ZC4H2: variants seen among roughly 807,000 people sequenced by gnomAD.
ZC4H2 encodes the protein zinc finger C4H2 domain-containing protein.
For synonymous variants in ZC4H2, 84 were observed against 66.3 expected (o/e 1.27, Z -1.30); for missense variants, 137 against 173.9 (o/e 0.79, Z 1.19).
At chrX:64,931,285 C>A (rs1023821568) in intron 1 of ZC4H2, among the ~76,000 whole-genome samples, 14 of 111,927 alleles carry the variant, frequency 1.3e-4, no homozygotes, top group African/African-American at 4.5e-4. Flanking sequence ...TTTTGCTTAT[C>A]TTTTCAGAGA....
chrX:65,007,473 G>T (rs1033359206), intron 1 of ZC4H2, among the ~76,000 whole-genome samples: 2 of 112,436 alleles, frequency 1.8e-5, no homozygotes, highest in African/African-American at 6.5e-5. Flanking sequence ...CCCTGGGCAG[G>T]CACAGTCATT....
chrX:64,928,643 T>G (rs1026682819), intron 1 of ZC4H2, among the ~76,000 whole-genome samples: 3 of 91,623 alleles, frequency 3.3e-5, no homozygotes, highest in Non-Finnish European at 6.8e-5. Flanking sequence ...CTTCTTCTTC[T>G]TCTTCTTCTT....
intron 1 of ZC4H2, among the ~76,000 whole-genome samples, chrX:65,010,465 C>A (rs1932739970): frequency 9.0e-6 from 1 of 111,017 alleles, no homozygotes; most frequent in African/African-American, 3.3e-5. Flanking sequence ...ACTTTCAAAT[C>A]TTTTTTTTTC....
At chrX:64,928,154 T>C (rs1929514894) in intron 1 of ZC4H2, among the ~76,000 whole-genome samples, 1 of 112,210 alleles carries the variant, frequency 8.9e-6, no homozygotes, top group Non-Finnish European at 1.9e-5. Context: ...ATTTTGGCTT[T>C]TGTTGCCATT....
chrX:64,936,776 C>T (rs1357698055), intron 1 of ZC4H2, among the ~76,000 whole-genome samples: 1 of 111,699 alleles, frequency 9.0e-6, no homozygotes, highest in Non-Finnish European at 1.9e-5. Context: ...GAAGGAAGCA[C>T]TAAACATAGA....
intron 1 of ZC4H2, among the ~76,000 whole-genome samples, chrX:65,001,184 G>T (rs777840095): frequency 8.3e-4 from 92 of 111,401 alleles, no homozygotes; most frequent in Non-Finnish European, 1.6e-3. Context: ...GGCAGCCAGA[G>T]AGAAAGGTCA....
intron 1 of ZC4H2, among the ~76,000 whole-genome samples, chrX:64,937,794 G>C (rs1340976795): frequency 9.0e-6 from 1 of 111,182 alleles, no homozygotes; most frequent in Admixed American, 9.6e-5. Context: ...GTGTGTAGAG[G>C]GGCATTTATA....
chrX:64,923,091 T>G (rs762033866), intron 1 of ZC4H2, among the ~76,000 whole-genome samples: 1 of 111,947 alleles, frequency 8.9e-6, no homozygotes, highest in Non-Finnish European at 1.9e-5. Flanking sequence ...TACACAGAGG[T>G]GTACTTTCTG....
In ZC4H2 at chrX:64,917,646, G is replaced by A. The variant is rs1250178105; in HGVS notation, c.*137C>T. ...GCAGAAAGAAATAGGAGCAAAGTGA[G>A]AGAGGGGTTGTGCTTCCATCACATT... is the stretch of plus-strand genomic sequence containing the variant. On this transcript the variant is annotated 3_prime_UTR_variant, in exon 5 of 5. Coordinates refer to ENST00000374839, the MANE Select transcript of ZC4H2 (RefSeq NM_018684.4). The A allele has an allele frequency of 8.8e-6, 8 of 914,275 alleles. No individual in the cohort carries two copies. The South Asian group carries it at 2.1e-4, about 24-fold the overall frequency. The allele number at this position is 914,275 out of a possible 1,213,427, so 75.3% of individuals were successfully genotyped here. A position where few individuals can be genotyped will look rare whatever the true frequency, so the allele number is the denominator to read the frequency against.
chrX:64,955,629 T>G (rs1297835998), intron 1 of ZC4H2, among the ~76,000 whole-genome samples: 2 of 111,856 alleles, frequency 1.8e-5, no homozygotes, highest in Non-Finnish European at 3.8e-5. Flanking sequence ...ATCTCTGATG[T>G]GAATAGCTTT....
At chrX:64,946,561 CTTGG>C (rs1249677585) in intron 1 of ZC4H2, among the ~76,000 whole-genome samples, 2 of 97,294 alleles carry the variant, frequency 2.1e-5, no homozygotes, top group South Asian at 5.4e-4. Flanking sequence ...GGAAAAACCC[CTTGG>C]TTGTTTTAAA....
At position 64,970,234 on chromosome X, in the gene ZC4H2, T is replaced by G. The variant is rs746768817; in HGVS notation, c.53+6091A>C. Among the ~76,000 whole-genome samples, 9 of 112,399 alleles carry G rather than the reference T, an allele frequency of 8.0e-5. No homozygotes were observed. In the East Asian group the frequency reaches 1.4e-3, roughly 17 times the overall value. ...GGAAACAAAGCTACTGTCAGCAAAG[T>G]AGATTTCTTATAACAGTTCATTCTG... On this transcript the variant is annotated intron_variant, in intron 1 of 4. Coordinates refer to ENST00000374839, the MANE Select transcript of ZC4H2 (RefSeq NM_018684.4).
chrX:64,979,526 T>C (rs1932043387), upstream of ZC4H2, among the ~76,000 whole-genome samples: 1 of 112,485 alleles, frequency 8.9e-6, no homozygotes, highest in Admixed American at 9.4e-5. Flanking sequence ...ATGTCTCACC[T>C]GTTCCTTGCT....
chrX:64,946,849 T>C (rs1930559125), intron 1 of ZC4H2, among the ~76,000 whole-genome samples: 1 of 111,799 alleles, frequency 8.9e-6, no homozygotes, highest in African/African-American at 3.3e-5. Context: ...CATTGATTTC[T>C]GTTCTTACCT....
intron 1 of ZC4H2, among the ~76,000 whole-genome samples, chrX:65,028,169 T>G (rs1401188424): frequency 9.0e-6 from 1 of 111,194 alleles, no homozygotes; most frequent in Non-Finnish European, 1.9e-5. Flanking sequence ...GCCAGCTATC[T>G]AGCTAGCTAG....
rs1458289470 is a variant in ZC4H2 at position 64,928,853 on chromosome X, CCTTCTCCTT to C, written c.54-6874_54-6866del. ...TCCTCCTCCTCCTTCTCCTCCTCCTCCTTCTCCTTCTTCTCCTTCTTTTCTTCTCTTTCT... is the reference window on the plus strand; with the variant it reads ...TCCTCCTCCTCCTTCTCCTCCTCCTCCTTCTCCTTCTTTTCTTCTCTTTCT... On this transcript the variant is annotated intron_variant, in intron 1 of 4. Transcript: ENST00000374839. Among the ~76,000 whole-genome samples the C allele has an allele frequency of 8.4e-4, 85 of 101,200 alleles. 1 individual carries two copies. Among genetic ancestry groups the C allele is most frequent in the African/African-American group, 2.9e-3 (80 of 27,546 alleles). The allele number at this position is 101,200 out of a possible 115,157, so 87.9% of individuals were successfully genotyped here. A position where few individuals can be genotyped will look rare whatever the true frequency, so the allele number is the denominator to read the frequency against.
At chrX:64,984,463 G>A (rs1041471912) in intron 1 of ZC4H2, among the ~76,000 whole-genome samples, 16 of 111,431 alleles carry the variant, frequency 1.4e-4, no homozygotes, top group African/African-American at 3.9e-4. Context: ...GTTGCATTAC[G>A]GATGAATTCA....
Position 64,918,779 on chromosome X carries a change from C to A in ZC4H2, c.561+263G>T, listed in dbSNP as rs905984974. Reference sequence around the variant, plus strand: ...GCTCATTACATCTTTGTGTAAGAGTCATTTCTAACTTTTAGAATTGCACTC... The same window carrying A: ...GCTCATTACATCTTTGTGTAAGAGTAATTTCTAACTTTTAGAATTGCACTC... On this transcript the variant is annotated intron_variant, in intron 4 of 4. Transcript: ENST00000374839. 1.6e-4 allele frequency: 42 copies of A among 265,176 alleles called. 1 individual carries two copies. Among genetic ancestry groups the A allele is most frequent in the Admixed American group, 3.0e-4 (5 of 16,735 alleles). The allele number at this position is 265,176 out of a possible 1,213,427, so 21.9% of individuals were successfully genotyped here.
chrX:65,016,842 C>T (rs1932801058), intron 1 of ZC4H2, among the ~76,000 whole-genome samples: 1 of 111,806 alleles, frequency 8.9e-6, no homozygotes, highest in Admixed American at 9.5e-5. Flanking sequence ...TATTACCTTT[C>T]TATCAGCTGC....
Sources: gnomAD v4.1 joint callset for allele counts (sites outside exome capture counted in the v4.1 genomes callset) on GRCh38, gnomAD v4.1.1 for gene constraint, MANE v1.5 for transcripts, NCBI Gene and HGNC (gene_info 2026-07-23, HGNC 2026-07-21) for gene names.